The following AFF2 variants were observed in gnomAD, a reference collection of about 807,000 sequenced individuals.
AFF2 encodes the protein ALF transcription elongation factor 2.
A neutral mutation model predicts 76.9 loss-of-function variants in AFF2; 14 were observed. That is an observed-to-expected ratio of 0.18 (90% CI 0.12 to 0.28). The LOEUF (loss-of-function observed/expected upper bound fraction) is 0.28, where lower values mean the gene tolerates loss of function less well. Ranked by LOEUF, AFF2 falls within the 10% of genes least tolerant of loss-of-function variation. AFF2 has a pLI of 1.00. For missense variants in AFF2, 868 were observed against 1,001.1 expected (o/e 0.87, Z 1.79); for synonymous variants, 398 against 366.7 (o/e 1.09, Z -0.98).
intron 12 of AFF2, among the ~76,000 whole-genome samples, chrX:148,960,037 T>C (rs192771470): frequency 2.7e-5 from 3 of 112,213 alleles, no homozygotes; most frequent in African/African-American, 9.7e-5. Flanking sequence ...GTCATTTGAG[T>C]TGGTTCTTAC....
chrX:148,935,515 G>A (rs1187065918), intron 9 of AFF2, among the ~76,000 whole-genome samples: 2 of 111,004 alleles, frequency 1.8e-5, no homozygotes, highest in Non-Finnish European at 3.8e-5. Flanking sequence ...CAGAGGTAAT[G>A]TTATTAGTGC....
chrX:148,521,767 A>G (rs1557234545), intron 1 of AFF2, among the ~76,000 whole-genome samples: 1 of 111,789 alleles, frequency 8.9e-6, no homozygotes, highest in African/African-American at 3.3e-5. Context: ...TTATTTTTGT[A>G]GCATGCAAGT....
At chrX:148,789,893 A>G (rs1557269814) in intron 3 of AFF2, among the ~76,000 whole-genome samples, 1 of 111,752 alleles carries the variant, frequency 8.9e-6, no homozygotes, top group African/African-American at 3.3e-5. Flanking sequence ...TCATAGGTGA[A>G]GAACCTGACA....
intron 3 of AFF2, among the ~76,000 whole-genome samples, chrX:148,717,881 G>A (rs1038003088): frequency 9.0e-5 from 10 of 111,454 alleles, no homozygotes; most frequent in Non-Finnish European, 1.5e-4. Context: ...GCCCAAAGTT[G>A]CAGTGATGAT....
At chrX:148,538,593 A>C (rs1337618628) in intron 1 of AFF2, among the ~76,000 whole-genome samples, 1 of 112,753 alleles carries the variant, frequency 8.9e-6, no homozygotes, top group Non-Finnish European at 1.9e-5. Flanking sequence ...TTTGCCTGAA[A>C]ATTTTGATTT....
intron 9 of AFF2, among the ~76,000 whole-genome samples, chrX:148,921,127 A>T (rs1252823970): frequency 1.8e-5 from 2 of 111,711 alleles, no homozygotes; most frequent in Non-Finnish European, 3.8e-5. Context: ...TGGTTCAACT[A>T]ATTAGGTGAT....
At chrX:148,552,454 C>T (rs1400972152) in intron 1 of AFF2, among the ~76,000 whole-genome samples, 1 of 112,023 alleles carries the variant, frequency 8.9e-6, no homozygotes, top group African/African-American at 3.2e-5. Context: ...GGGGGGAAAG[C>T]TGCACTTCAT....
chrX:148,983,480 C>T, intron 19 of AFF2, among the ~76,000 whole-genome samples: 1 of 111,894 alleles, frequency 8.9e-6, no homozygotes, highest in Non-Finnish European at 1.9e-5. Context: ...ATGCTTGGCA[C>T]ATAGAGACTG....
chrX:148,600,559 T>G (rs1288821700), intron 1 of AFF2, among the ~76,000 whole-genome samples: 3 of 112,329 alleles, frequency 2.7e-5, no homozygotes, highest in Non-Finnish European at 3.8e-5. Flanking sequence ...TCAGCAGTAC[T>G]TAGGACGTCA....
chrX:148,611,655 C>T (rs1272884159), intron 1 of AFF2, among the ~76,000 whole-genome samples: 1 of 111,150 alleles, frequency 9.0e-6, no homozygotes, highest in African/African-American at 3.3e-5. Context: ...GCTGGTTGGA[C>T]TCCTATCTCT....
intron 5 of AFF2, among the ~76,000 whole-genome samples, chrX:148,839,343 G>C (rs182968266): frequency 1.2e-4 from 14 of 112,228 alleles, no homozygotes; most frequent in African/African-American, 4.2e-4. Context: ...TGAAAGAAAA[G>C]TACACTTTAA....
Position 148,662,725 on chromosome X carries a change from C to T in AFF2, c.998C>T (p.Ser333Leu). 1.7e-6 allele frequency: 2 copies of T among 1,210,920 alleles called. No individual in the cohort carries two copies. Among genetic ancestry groups the T allele is most frequent in the Non-Finnish European group, 2.2e-6 (2 of 894,671 alleles). Residue 333 changes from serine to leucine, a missense_variant, in exon 3 of 21, where the codon TCA becomes TTA. Ser to Leu is a moderately radical substitution (Grantham distance 145). Coordinates refer to ENST00000370460, the MANE Select transcript of AFF2 (RefSeq NM_002025.4). ...LLDGKPSAAS[S>L]KTKLPKFTIL... ...GATGGAAAACCCAGTGCAGCCAGTTCAAAGACTAAACTGCCAAAGTTCACC... is the reference window on the plus strand; with the variant it reads ...GATGGAAAACCCAGTGCAGCCAGTTTAAAGACTAAACTGCCAAAGTTCACC...
At position 148,993,430 on chromosome X, in the gene AFF2, G is replaced by A. The variant is rs2072556626; in HGVS notation, c.*2098G>A. 8.9e-6 allele frequency: 1 copy of A among 112,108 alleles called. No homozygotes were observed. The allele number at this position is 112,108 out of a possible 1,213,427, so 9.2% of individuals were successfully genotyped here. The stretch of plus-strand genomic sequence containing the variant: ...TGACTCAAGTTGTCTCTTTATCATG[G>A]TTTACCAGGTAGAGTGCCTGGCTAT... On this transcript the variant is annotated 3_prime_UTR_variant, in exon 21 of 21. Transcript: ENST00000370460.
In AFF2 at chrX:148,795,030, C is replaced by A. The variant is rs145756895; in HGVS notation, c.1042-14846C>A. Among the ~76,000 whole-genome samples the A allele has an allele frequency of 4.3e-4, 48 of 112,176 alleles. No homozygotes were observed. The East Asian group carries it at 0.012, about 29-fold the overall frequency. On this transcript the variant is annotated intron_variant, in intron 3 of 20. Transcript: ENST00000370460. ...AAACTCATTTTATCTTATTTGTCTACTTCAGAAGATTGTTGTAAGCAACAA... is the reference window on the plus strand; with the variant it reads ...AAACTCATTTTATCTTATTTGTCTAATTCAGAAGATTGTTGTAAGCAACAA...
chrX:148,898,307 C>T (rs1458666747), intron 8 of AFF2, among the ~76,000 whole-genome samples: 3 of 112,093 alleles, frequency 2.7e-5, no homozygotes, highest in African/African-American at 9.7e-5. Context: ...TTGATATTTA[C>T]TCAATGAGCA....
chrX:148,525,156 CGT>C (rs200463464), intron 1 of AFF2, among the ~76,000 whole-genome samples: 10 of 110,539 alleles, frequency 9.0e-5, no homozygotes, highest in Admixed American at 7.7e-4. Context: ...CTTATGTGTA[CGT>C]GTGTGTGTGT....
chrX:148,858,614 C>A (rs1416644615), intron 7 of AFF2, among the ~76,000 whole-genome samples: 1 of 110,969 alleles, frequency 9.0e-6, no homozygotes, highest in African/African-American at 3.3e-5. Context: ...AATTAATACA[C>A]AATATTATAA....
intron 5 of AFF2, among the ~76,000 whole-genome samples, chrX:148,840,738 A>G (rs946716793): frequency 8.9e-6 from 1 of 112,401 alleles, no homozygotes; most frequent in Non-Finnish European, 1.9e-5. Flanking sequence ...TATTTCTACA[A>G]CCAAGCTATT....
chrX:148,534,917 AG>A (rs1162186869), intron 1 of AFF2, among the ~76,000 whole-genome samples: 2 of 111,915 alleles, frequency 1.8e-5, no homozygotes, highest in Admixed American at 1.9e-4. Context: ...TCAATAGAAT[AG>A]GATGGCTCCT....
Sources: gnomAD v4.1 joint callset for allele counts (sites outside exome capture counted in the v4.1 genomes callset) on GRCh38, gnomAD v4.1.1 for gene constraint, MANE v1.5 for transcripts, NCBI Gene and HGNC (gene_info 2026-07-23, HGNC 2026-07-21) for gene names.